MARCHF8: variants seen among roughly 807,000 people sequenced by gnomAD.
MARCHF8 encodes membrane associated ring-CH-type finger 8, also known as E3 ubiquitin-protein ligase MARCHF8.
A neutral mutation model predicts 51.6 loss-of-function variants in MARCHF8; 40 were observed. The ratio of observed to expected loss-of-function variants is 0.77; its 90% CI spans 0.60 to 1.01. The LOEUF (loss-of-function observed/expected upper bound fraction) is 1.01. Among genes scored for constraint, MARCHF8 ranks in the 50% least tolerant of loss-of-function variants. The pLI, the probability that MARCHF8 is intolerant of heterozygous loss-of-function variation, is 0.00. For missense variants in MARCHF8, 685 were observed against 708.6 expected (o/e 0.97, Z 0.38); for synonymous variants, 263 against 280.3 (o/e 0.94, Z 0.62).
At chr10:45,528,247 G>A (rs879764524) in intron 2 of MARCHF8, among the ~76,000 whole-genome samples, 8 of 152,044 alleles carry the variant, frequency 5.3e-5, no homozygotes, top group Admixed American at 1.3e-4. Context: ...AAGTCCTATC[G>A]GGCCAGAGCA....
At chr10:45,553,347 A>G (rs71496617) in intron 1 of MARCHF8, 1 of 152,348 alleles carries the variant, frequency 6.6e-6, no homozygotes, top group Admixed American at 6.5e-5. Context: ...TTTTACAAGA[A>G]CAATAATACA....
intron 3 of MARCHF8, among the ~76,000 whole-genome samples, chr10:45,472,288 G>T (rs1486252648): frequency 6.6e-6 from 1 of 152,130 alleles, no homozygotes; most frequent in Non-Finnish European, 1.5e-5. Flanking sequence ...ACCTATCAAG[G>T]TTTATAAGAA....
chr10:45,570,115 C>A (rs1293921748), intron 1 of MARCHF8, among the ~76,000 whole-genome samples: 6 of 152,124 alleles, frequency 3.9e-5, no homozygotes, highest in Non-Finnish European at 7.4e-5. Context: ...TGAAGTCTAT[C>A]AGACACATGT....
chr10:45,487,853 A>G (rs2043010440), intron 3 of MARCHF8, among the ~76,000 whole-genome samples: 1 of 152,056 alleles, frequency 6.6e-6, no homozygotes, highest in Non-Finnish European at 1.5e-5. Context: ...TTCATTTCAG[A>G]GTATCTAGGA....
upstream of MARCHF8, among the ~76,000 whole-genome samples, chr10:45,538,670 G>C (rs1181842602): frequency 6.6e-6 from 1 of 152,162 alleles, no homozygotes; most frequent in South Asian, 2.1e-4. Flanking sequence ...TGCAATCCTA[G>C]TCTCTGATAA....
At chr10:45,568,655 G>A (rs189334796) in intron 1 of MARCHF8, among the ~76,000 whole-genome samples, 1,835 of 146,908 alleles carry the variant, frequency 0.012, 24 homozygotes, top group Non-Finnish European at 0.02. Context: ...GGAGGCGGAG[G>A]TTGCAGTGAG....
In MARCHF8 at chr10:45,455,223, G is replaced by C. The variant is rs1340722305; in HGVS notation, c.*3016C>G. 1 of 152,258 alleles carries C rather than the reference G, an allele frequency of 6.6e-6. No individual in the cohort carries two copies. Among genetic ancestry groups the C allele is most frequent in the East Asian group, 1.9e-4 (1 of 5,200 alleles). 9.4% of individuals were successfully genotyped at this position (152,258 alleles called of 1,614,324 possible). A position where few individuals can be genotyped will look rare whatever the true frequency, so the allele number is the denominator to read the frequency against. The stretch of plus-strand genomic sequence containing the variant: ...GTTTGAAAACTAGGCCTACAAGACT[G>C]AAGAGTGGACTGAAGCAAAAAGGGG... On this transcript the variant is annotated 3_prime_UTR_variant, in exon 8 of 8. Coordinates refer to ENST00000453424, the MANE Select transcript of MARCHF8 (RefSeq NM_001282866.2).
intron 1 of MARCHF8, among the ~76,000 whole-genome samples, chr10:45,560,120 G>C (rs1394751055): frequency 6.6e-6 from 1 of 152,008 alleles, no homozygotes; most frequent in Non-Finnish European, 1.5e-5. Flanking sequence ...GATCCTCAAA[G>C]ATTCACAAGC....
chr10:45,458,277 C>T lies in MARCHF8; in HGVS notation c.1684G>A (p.Glu562Lys). 6.2e-7 allele frequency: 1 copy of T among 1,613,774 alleles called. No individual in the cohort carries two copies. Among genetic ancestry groups the T allele is most frequent in the Middle Eastern group, 1.7e-4 (1 of 6,060 alleles). ...HSDTNSSCCTEPEDTGAEIIH... is the reference protein window; with the variant it reads ...HSDTNSSCCTKPEDTGAEIIH... ...ATTTCTGCTCCAGTGTCTTCAGGCTCTGTGCAACAAGAAGAGTTTGTGTCG... is the reference window on the plus strand; with the variant it reads ...ATTTCTGCTCCAGTGTCTTCAGGCTTTGTGCAACAAGAAGAGTTTGTGTCG... The change falls in exon 8 of 8, where the codon GAG (glutamate) becomes AAG (lysine). Residue 562 changes from glutamate (E) to lysine (K), a missense_variant. Transcript: ENST00000453424.
intron 3 of MARCHF8, among the ~76,000 whole-genome samples, chr10:45,465,310 C>T (rs975534195): frequency 1.3e-5 from 2 of 152,234 alleles, no homozygotes; most frequent in Admixed American, 6.5e-5. Context: ...CCCAGGAAAA[C>T]AGTGCCACGA....
intron 2 of MARCHF8, among the ~76,000 whole-genome samples, chr10:45,525,663 A>G (rs777098308): frequency 6.6e-6 from 1 of 152,246 alleles, no homozygotes; most frequent in East Asian, 1.9e-4. Context: ...GATAGTCACT[A>G]TATCAGCCAG....
At chr10:45,551,210 G>C (rs975711706) in intron 1 of MARCHF8, among the ~76,000 whole-genome samples, 1 of 152,154 alleles carries the variant, frequency 6.6e-6, no homozygotes, top group South Asian at 2.1e-4. Context: ...AACTGTTTTA[G>C]TCTCATTCTT....
intron 1 of MARCHF8, among the ~76,000 whole-genome samples, chr10:45,558,774 G>A (rs2044279518): frequency 6.6e-6 from 1 of 152,332 alleles, no homozygotes; most frequent in South Asian, 2.1e-4. Context: ...AGCATGCGGG[G>A]AGAAAATGGG....
chr10:45,538,065 T>C (rs1314576351), upstream of MARCHF8, among the ~76,000 whole-genome samples: 2 of 151,830 alleles, frequency 1.3e-5, no homozygotes, highest in African/African-American at 4.8e-5. Context: ...ATAGAAAGAG[T>C]ACAAAGGTTG....
chr10:45,545,934 T>TG (rs1236682758), intron 1 of MARCHF8, among the ~76,000 whole-genome samples: 3 of 152,178 alleles, frequency 2.0e-5, no homozygotes, highest in African/African-American at 7.2e-5. Context: ...GCCCTGCTCC[T>TG]GCCTTTTACT....
At chr10:45,537,256 C>A (rs553159148), upstream of MARCHF8, among the ~76,000 whole-genome samples, 1 of 152,074 alleles carries the variant, frequency 6.6e-6, no homozygotes, top group Non-Finnish European at 1.5e-5. Flanking sequence ...AAATGATAAA[C>A]GGATAAATCA....
intron 2 of MARCHF8, among the ~76,000 whole-genome samples, chr10:45,526,192 A>T (rs927076909): frequency 2.0e-5 from 3 of 152,144 alleles, no homozygotes; most frequent in African/African-American, 7.2e-5. Flanking sequence ...GTAGATATTC[A>T]CCCTTCAAAT....
At chr10:45,537,621 C>G (rs918698439), upstream of MARCHF8, among the ~76,000 whole-genome samples, 2 of 150,918 alleles carry the variant, frequency 1.3e-5, no homozygotes, top group Non-Finnish European at 1.5e-5. Flanking sequence ...CCACTGCACT[C>G]CAGCCTAGGT....
Position 45,459,221 on chromosome 10 carries a change from C to T in MARCHF8, c.1316G>A (p.Cys439Tyr). ...MTSSERRKIM[C>Y]SVTFHVIAIT... The stretch of plus-strand genomic sequence containing the variant: ...GGCAATGACGTGGAATGTCACTGAG[C>T]ACATGATCTTCCTGCGCTCGCTGGA... Residue 439 changes from cysteine (C) to tyrosine (Y), a missense_variant, in exon 7 of 8, where the codon TGC becomes TAC. By Grantham distance (194) the Cys-to-Tyr change is radical (BLOSUM62 -2). Transcript: ENST00000453424. The T allele has an allele frequency of 6.2e-7, 1 of 1,614,108 alleles. No homozygotes were observed. Among genetic ancestry groups the T allele is most frequent in the Non-Finnish European group, 8.5e-7 (1 of 1,180,026 alleles).
Sources: gnomAD v4.1 joint callset for allele counts (sites outside exome capture counted in the v4.1 genomes callset) on GRCh38, gnomAD v4.1.1 for gene constraint, MANE v1.5 for transcripts, NCBI Gene and HGNC (gene_info 2026-07-23, HGNC 2026-07-21) for gene names.